PDK1: variants seen among roughly 807,000 people sequenced by gnomAD.
PDK1 encodes the protein pyruvate dehydrogenase kinase 1.
PDK1 carries 39 observed loss-of-function variants against 54.2 expected under a neutral mutation model. The observed-to-expected ratio is 0.72, with a 90% CI of 0.56 to 0.94. PDK1 has a LOEUF of 0.94. Among genes scored for constraint, PDK1 ranks in the 40% least tolerant of loss-of-function variants. The probability of loss-of-function intolerance (pLI) is 0.00; values close to 1 mark genes in which losing one functional copy is unlikely to be tolerated. For synonymous variants in PDK1, 221 were observed against 207.1 expected (o/e 1.07, Z -0.58); for missense variants, 552 against 566.0 (o/e 0.98, Z 0.25).
chr2:172,592,544 C>G (rs1030902564), intron 9 of PDK1, among the ~76,000 whole-genome samples: 9 of 152,136 alleles, frequency 5.9e-5, no homozygotes, highest in African/African-American at 1.9e-4. Flanking sequence ...GCTGGTCTTT[C>G]CCTGCCTCTG....
At chr2:172,654,750 A>G in the PDK1 span, among the ~76,000 whole-genome samples, 1 of 152,190 alleles carries the variant, frequency 6.6e-6, no homozygotes, top group Non-Finnish European at 1.5e-5. Context: ...CCTAGAACTT[A>G]AAGTATAATA....
the PDK1 span, among the ~76,000 whole-genome samples, chr2:172,710,946 A>C: frequency 8.0e-3 from 1,215 of 152,340 alleles, 19 homozygotes; most frequent in African/African-American, 0.027. Context: ...CTGTGCTCTG[A>C]GTGTAACCTG....
intron 3 of PDK1, among the ~76,000 whole-genome samples, chr2:172,563,496 T>C (rs1184531926): frequency 6.6e-6 from 1 of 152,178 alleles, no homozygotes; most frequent in Non-Finnish European, 1.5e-5. Context: ...GAAGTGTAAA[T>C]TCAGATGGGT....
At chr2:172,569,326 A>G (rs1429033639) in intron 7 of PDK1, among the ~76,000 whole-genome samples, 1 of 152,168 alleles carries the variant, frequency 6.6e-6, no homozygotes, top group East Asian at 1.9e-4. Context: ...GAGGTCATTT[A>G]TATTGACTTA....
the PDK1 span, among the ~76,000 whole-genome samples, chr2:172,683,739 T>G: frequency 1.3e-5 from 2 of 152,232 alleles, no homozygotes; most frequent in Admixed American, 1.3e-4. Context: ...GATTGAGGCC[T>G]AGATGACTTC....
chr2:172,638,643 T>TA, the PDK1 span, among the ~76,000 whole-genome samples: 3 of 152,128 alleles, frequency 2.0e-5, no homozygotes, highest in African/African-American at 7.2e-5. Context: ...TTGGAGAACT[T>TA]TTCTGTCTAG....
the PDK1 span, among the ~76,000 whole-genome samples, chr2:172,650,182 T>C: frequency 1.3e-5 from 2 of 152,174 alleles, no homozygotes; most frequent in Non-Finnish European, 1.5e-5. Context: ...GGGGCCAATA[T>C]TCAACATTCT....
intron 8 of PDK1, among the ~76,000 whole-genome samples, chr2:172,576,217 C>T (rs12467086): frequency 0.033 from 5,000 of 152,248 alleles, 174 homozygotes; most frequent in East Asian, 0.17. Context: ...TGAGCCACCA[C>T]GCCCAGCCTA....
At chr2:172,583,695 T>A (rs1454930922) in intron 8 of PDK1, among the ~76,000 whole-genome samples, 4 of 151,974 alleles carry the variant, frequency 2.6e-5, no homozygotes, top group African/African-American at 9.7e-5. Flanking sequence ...TCAAGGCAGA[T>A]TTTTTTAGTT....
chr2:172,621,541 ATATT>A, the PDK1 span, among the ~76,000 whole-genome samples: 3 of 146,280 alleles, frequency 2.1e-5, no homozygotes, highest in Non-Finnish European at 4.5e-5. Context: ...TTTTATATAT[ATATT>A]ATATATATAT....
chr2:172,652,990 C>T, the PDK1 span, among the ~76,000 whole-genome samples: 2 of 151,980 alleles, frequency 1.3e-5, no homozygotes, highest in Non-Finnish European at 2.9e-5. Flanking sequence ...CATATGGAAC[C>T]AAAAAAGAGC....
the PDK1 span, among the ~76,000 whole-genome samples, chr2:172,665,481 C>A: frequency 0.053 from 8,017 of 152,218 alleles, 401 homozygotes; most frequent in East Asian, 0.22. Flanking sequence ...GACATTCTGT[C>A]TTTAGGTTAT....
At chr2:172,692,460 G>A in the PDK1 span, among the ~76,000 whole-genome samples, 1 of 152,166 alleles carries the variant, frequency 6.6e-6, no homozygotes, top group African/African-American at 2.4e-5. Flanking sequence ...CACTCCTTAA[G>A]TGTAATAGCC....
chr2:172,618,970 G>A, the PDK1 span, among the ~76,000 whole-genome samples: 1 of 152,174 alleles, frequency 6.6e-6, no homozygotes, highest in Non-Finnish European at 1.5e-5. Flanking sequence ...CCAGCAGCTT[G>A]GAGTTAGATG....
chr2:172,690,399 G>A, the PDK1 span, among the ~76,000 whole-genome samples: 1 of 150,322 alleles, frequency 6.7e-6, no homozygotes, highest in South Asian at 2.1e-4. Context: ...TTACACTGTT[G>A]GTGGGAGTGT....
At chr2:172,721,278 A>AG in the PDK1 span, among the ~76,000 whole-genome samples, 1 of 152,156 alleles carries the variant, frequency 6.6e-6, no homozygotes, top group Non-Finnish European at 1.5e-5. Context: ...TCTTATTTCT[A>AG]GGGTGGAAAA....
the PDK1 span, among the ~76,000 whole-genome samples, chr2:172,685,958 T>C: frequency 6.6e-6 from 1 of 152,214 alleles, no homozygotes; most frequent in South Asian, 2.1e-4. Context: ...ATACATCCTA[T>C]GCTCCTGAGA....
chr2:172,622,168 GAT>G, the PDK1 span, among the ~76,000 whole-genome samples: 22 of 143,558 alleles, frequency 1.5e-4, no homozygotes, highest in South Asian at 9.2e-4. Flanking sequence ...TATTATGTGA[GAT>G]ATGTTTATAT....
At chr2:172,587,727 TAGAGAGCTGATTGGTCCATTTTAC>T (rs1333370823) in intron 9 of PDK1, among the ~76,000 whole-genome samples, 3 of 151,246 alleles carry the variant, frequency 2.0e-5, no homozygotes, top group African/African-American at 4.8e-5. Flanking sequence ...GTCTATTTTA[TAGAGAGCTGATTGGTCCATTTTAC>T]AGAGAGCTGA....
Sources: allele counts gnomAD v4.1 joint callset (sites outside exome capture counted in the v4.1 genomes callset), GRCh38; gene constraint gnomAD v4.1.1; transcripts MANE v1.5; gene names NCBI Gene and HGNC (gene_info 2026-07-23, HGNC 2026-07-21).